Variants in CSMD1 observed in about 807,000 individuals in gnomAD.
CSMD1 encodes CUB and sushi domain-containing protein 1.
CSMD1 carries 213 observed loss-of-function variants against 417.5 expected under a neutral mutation model. The observed-to-expected ratio is 0.51, with a 90% confidence interval of 0.46 to 0.57. The LOEUF is 0.57. Among genes scored for constraint, CSMD1 ranks in the 20% least tolerant of loss-of-function variants. The probability of loss-of-function intolerance (pLI) is 0.00; values close to 1 mark genes in which losing one functional copy is unlikely to be tolerated. For synonymous variants in CSMD1, 2,862 were observed against 1,736.8 expected (o/e 1.65, Z -16.11); for missense variants, 6,923 against 4,529.7 (o/e 1.53, Z -15.17).
chr8:3,221,686 C>G (rs935948948), intron 28 of CSMD1, among the ~76,000 whole-genome samples: 2 of 152,008 alleles, frequency 1.3e-5, no homozygotes, highest in Admixed American at 6.6e-5. Context: ...CCTCTGCCAG[C>G]TGCACGTATC....
intron 1 of CSMD1, among the ~76,000 whole-genome samples, chr8:4,925,506 T>G (rs1806796066): frequency 6.6e-6 from 1 of 151,890 alleles, no homozygotes; most frequent in East Asian, 1.9e-4. Flanking sequence ...TGTTCCTTAT[T>G]CTGAAACGTG....
At chr8:3,123,361 G>T (rs1031557348) in intron 41 of CSMD1, among the ~76,000 whole-genome samples, 9 of 152,156 alleles carry the variant, frequency 5.9e-5, no homozygotes, top group Non-Finnish European at 1.2e-4. Flanking sequence ...AACATCCACA[G>T]TGCCTGGAAT....
At chr8:3,307,183 A>G (rs1804936331) in intron 25 of CSMD1, among the ~76,000 whole-genome samples, 4 of 152,122 alleles carry the variant, frequency 2.6e-5, no homozygotes, top group Admixed American at 2.6e-4. Flanking sequence ...GACAAAGGGC[A>G]CCTTAGCAAG....
chr8:3,524,510 T>C (rs1797671424), intron 10 of CSMD1, among the ~76,000 whole-genome samples: 2 of 130,484 alleles, frequency 1.5e-5, no homozygotes, highest in Admixed American at 7.4e-5. Context: ...CATGCACAGA[T>C]GCACACATGC....
chr8:3,907,019 T>C (rs1226614444), intron 5 of CSMD1, among the ~76,000 whole-genome samples: 3 of 152,162 alleles, frequency 2.0e-5, no homozygotes, highest in Non-Finnish European at 4.4e-5. Flanking sequence ...TGCCCTTTCA[T>C]AGATGAGAAA....
At chr8:4,759,992 T>C (rs1250459875) in intron 1 of CSMD1, among the ~76,000 whole-genome samples, 2 of 152,334 alleles carry the variant, frequency 1.3e-5, no homozygotes, top group African/African-American at 4.8e-5. Context: ...CACCACAGTG[T>C]CTTCCACAAT....
intron 8 of CSMD1, among the ~76,000 whole-genome samples, chr8:3,614,808 C>G: frequency 6.6e-6 from 1 of 152,170 alleles, no homozygotes; most frequent in East Asian, 1.9e-4. Context: ...ATAAGACACT[C>G]TCCATTCTGG....
intron 2 of CSMD1, among the ~76,000 whole-genome samples, chr8:4,495,210 T>C (rs1025362084): frequency 6.6e-6 from 1 of 152,168 alleles, no homozygotes; most frequent in African/African-American, 2.4e-5. Flanking sequence ...TCCTGGGATT[T>C]TTATAAAAGG....
At chr8:4,027,384 T>C (rs1002474908) in intron 4 of CSMD1, among the ~76,000 whole-genome samples, 1 of 152,104 alleles carries the variant, frequency 6.6e-6, no homozygotes, top group African/African-American at 2.4e-5. Flanking sequence ...TCTAATCCCC[T>C]AATCCCCATG....
At chr8:3,541,181 A>G (rs1053240493) in intron 10 of CSMD1, among the ~76,000 whole-genome samples, 1 of 152,238 alleles carries the variant, frequency 6.6e-6, no homozygotes, top group African/African-American at 2.4e-5. Flanking sequence ...GATATACACC[A>G]TGGAATGCTA....
At position 4,136,997 on chromosome 8, in the gene CSMD1, G is replaced by A. The variant is rs576482513; in HGVS notation, c.416-104898C>T. ...TGAAACAAATAAATGTGGGCACAGT[G>A]AGAAACCAAGCAGCTGTGTATTTTT... On this transcript the variant is annotated intron_variant, in intron 3 of 69. Coordinates refer to ENST00000635120, the MANE Select transcript of CSMD1 (RefSeq NM_033225.6). Among the ~76,000 whole-genome samples the A allele has an allele frequency of 4.6e-5, 7 of 152,336 alleles. No homozygotes were observed. In the East Asian group the frequency reaches 7.7e-4, roughly 17 times the overall value.
At chr8:3,525,758 G>T (rs2117479619) in intron 10 of CSMD1, among the ~76,000 whole-genome samples, 1 of 152,286 alleles carries the variant, frequency 6.6e-6, no homozygotes, top group South Asian at 2.1e-4. Flanking sequence ...GGAAATGAAT[G>T]GGAACATCAC....
At chr8:3,344,419 C>T (rs1273139524) in intron 22 of CSMD1, among the ~76,000 whole-genome samples, 1 of 152,068 alleles carries the variant, frequency 6.6e-6, no homozygotes, top group South Asian at 2.1e-4. Flanking sequence ...GGGTAACAAG[C>T]CTGCACTTCC....
chr8:4,558,711 A>C (rs1481057027), intron 2 of CSMD1, among the ~76,000 whole-genome samples: 1 of 152,094 alleles, frequency 6.6e-6, no homozygotes, highest in African/African-American at 2.4e-5. Flanking sequence ...TACTAAAAAT[A>C]CAAAAAAATT....
At chr8:3,680,784 T>C (rs538366628) in intron 7 of CSMD1, among the ~76,000 whole-genome samples, 2,127 of 152,150 alleles carry the variant, frequency 0.014, 47 homozygotes, top group African/African-American at 0.048. Context: ...ATGCAAAAAT[T>C]CTCAATAAAA....
chr8:4,925,043 T>C (rs2117162032), intron 1 of CSMD1, among the ~76,000 whole-genome samples: 1 of 152,122 alleles, frequency 6.6e-6, no homozygotes, highest in East Asian at 1.9e-4. Context: ...CTTGAATTAC[T>C]ACATACCTTA....
chr8:3,684,293 A>G (rs1404767469), intron 7 of CSMD1, among the ~76,000 whole-genome samples: 3 of 144,518 alleles, frequency 2.1e-5, no homozygotes, highest in African/African-American at 7.5e-5. Context: ...TATATAATAT[A>G]TAAATTATAT....
At chr8:3,554,522 G>T (rs563718434) in intron 10 of CSMD1, among the ~76,000 whole-genome samples, 216 of 152,282 alleles carry the variant, frequency 1.4e-3, no homozygotes, top group African/African-American at 4.2e-3. Context: ...ATGTGGAATT[G>T]AGATAATTGG....
intron 4 of CSMD1, among the ~76,000 whole-genome samples, chr8:4,019,102 G>C (rs1381160458): frequency 6.6e-6 from 1 of 152,128 alleles, no homozygotes; most frequent in African/African-American, 2.4e-5. Flanking sequence ...ACTACTGCTA[G>C]ATACATATTT....
Sources: gnomAD v4.1 joint callset for allele counts (sites outside exome capture counted in the v4.1 genomes callset) on GRCh38, gnomAD v4.1.1 for gene constraint, MANE v1.5 for transcripts, NCBI Gene and HGNC (gene_info 2026-07-23, HGNC 2026-07-21) for gene names.